The following MYO16 variants were observed in gnomAD, a reference collection of about 807,000 sequenced individuals.
MYO16 encodes the protein unconventional myosin-XVI.
In MYO16, 94 loss-of-function variants were observed where a neutral mutation model predicts 205.3. The ratio of observed to expected loss-of-function variants is 0.46; its 90% CI spans 0.39 to 0.54. The LOEUF is 0.54. Ranked by LOEUF, MYO16 falls within the 20% of genes least tolerant of loss-of-function variation. MYO16 has a pLI of 0.00. For synonymous variants in MYO16, 988 were observed against 954.0 expected (o/e 1.04, Z -0.66); for missense variants, 2,315 against 2,387.5 (o/e 0.97, Z 0.63).
In MYO16 at chr13:109,127,269, G is replaced by C; in HGVS notation, c.3783-13G>C. The stretch of plus-strand genomic sequence containing the variant: ...TCTGGCGTGGTGCTGTTTGTGTTTT[G>C]TTTCCCCCTAAGAACCGATGACAAG... On this transcript the variant is annotated splice_polypyrimidine_tract_variant and intron_variant, in intron 30 of 34. Transcript: ENST00000457511. The surrounding 1 kb of genome is among the most constrained non-coding windows in gnomAD (Gnocchi z 4.2). 1 of 1,556,660 alleles carries C rather than the reference G, an allele frequency of 6.4e-7. No individual in the cohort carries two copies. The highest frequency in any genetic ancestry group is 8.7e-7 in the Non-Finnish European group (1 of 1,146,464).
chr13:109,024,422 A>G (rs565663987), intron 23 of MYO16, among the ~76,000 whole-genome samples: 39 of 152,258 alleles, frequency 2.6e-4, no homozygotes, highest in African/African-American at 9.4e-4. Flanking sequence ...TAATTGCATT[A>G]AAGTCAGTGG....
chr13:109,127,450 G>A lies in MYO16; in HGVS notation c.3951G>A (p.Gln1317=). Residue 1317 remains glutamine (Q), a synonymous_variant, in exon 31 of 35, where the codon CAG becomes CAA. Coordinates refer to ENST00000457511, the MANE Select transcript of MYO16 (RefSeq NM_001198950.3). The surrounding 1 kb of genome is among the most constrained non-coding windows in gnomAD (Gnocchi z 4.2). The part of the protein sequence containing the change: ...DSSSLPSPRK[Q]PPPKPKRDPN... ...GCAGCCTCCCGTCTCCACGGAAACA[G>A]CCCCCGCCCAAGCCAAAGAGGGACC... 5.0e-6 allele frequency: 8 copies of A among 1,614,016 alleles called. No homozygotes were observed. The highest frequency in any genetic ancestry group is 6.8e-6 in the Non-Finnish European group (8 of 1,180,010).
intron 20 of MYO16, among the ~76,000 whole-genome samples, chr13:108,982,498 A>G (rs1331853010): frequency 6.6e-6 from 1 of 152,222 alleles, no homozygotes; most frequent in African/African-American, 2.4e-5. Context: ...AAAAAAGTAA[A>G]CAGCACTTTT....
chr13:108,669,514 A>C (rs1393252079), intron 2 of MYO16, among the ~76,000 whole-genome samples: 1 of 152,148 alleles, frequency 6.6e-6, no homozygotes, highest in African/African-American at 2.4e-5. Flanking sequence ...ATGATGGGAG[A>C]ATTAACAGCA....
chr13:108,840,742 C>T (rs1877201078), intron 9 of MYO16, among the ~76,000 whole-genome samples: 2 of 152,108 alleles, frequency 1.3e-5, no homozygotes, highest in Non-Finnish European at 2.9e-5. Context: ...CACTATGTTG[C>T]CCAGGCTGGT....
intron 7 of MYO16, among the ~76,000 whole-genome samples, chr13:108,808,405 G>A (rs1392514119): frequency 2.0e-5 from 3 of 151,432 alleles, no homozygotes; most frequent in African/African-American, 7.3e-5. Context: ...TCCGCCTCCT[G>A]AGTTCAAGCA....
In MYO16 at chr13:109,009,091, G is replaced by A. The variant is rs751858309; in HGVS notation, c.2595+42G>A. 95 of 1,446,444 alleles carry A rather than the reference G, an allele frequency of 6.6e-5. No homozygotes were observed. In the East Asian group the frequency reaches 2.0e-3, roughly 30 times the overall value. The allele number at this position is 1,446,444 out of a possible 1,614,324, so 89.6% of individuals were successfully genotyped here. On this transcript the variant is annotated intron_variant, in intron 22 of 34. Transcript: ENST00000457511. ...ATTAGATACTTAACAGGATATATGGGTTTAAATATACTGGAGACAAAGAAT... is the reference window on the plus strand; with the variant it reads ...ATTAGATACTTAACAGGATATATGGATTTAAATATACTGGAGACAAAGAAT...
chr13:108,806,533 A>G (rs529012848), intron 6 of MYO16, 146 bp from the exon 7 acceptor site: 1 of 562,472 alleles, frequency 1.8e-6, no homozygotes, highest in South Asian at 3.6e-5. Context: ...CCAAATAAAT[A>G]AAATTGCATG....
At chr13:108,760,832 C>T (rs1885581719) in intron 4 of MYO16, among the ~76,000 whole-genome samples, 1 of 152,088 alleles carries the variant, frequency 6.6e-6, no homozygotes, top group Non-Finnish European at 1.5e-5. Flanking sequence ...CCCTTCCCAG[C>T]CTCTGGTAGC....
At chr13:108,724,642 G>T (rs191947211) in intron 3 of MYO16, among the ~76,000 whole-genome samples, 69 of 151,896 alleles carry the variant, frequency 4.5e-4, no homozygotes, top group Admixed American at 2.6e-4. Context: ...GCGGTATTAC[G>T]CACGGTGCAT....
At chr13:108,835,389 C>T (rs1876855222) in intron 9 of MYO16, among the ~76,000 whole-genome samples, 1 of 152,182 alleles carries the variant, frequency 6.6e-6, no homozygotes, top group African/African-American at 2.4e-5. Flanking sequence ...CCTCTTCAGC[C>T]ATGTGGAACT....
Position 108,709,519 on chromosome 13 carries a change from G to A in MYO16, c.293-3142G>A, listed in dbSNP as rs982388740. Among the ~76,000 whole-genome samples the A allele has an allele frequency of 8.0e-5, 10 of 125,516 alleles. 2 individuals are homozygous for A. Among genetic ancestry groups the A allele is most frequent in the East Asian group, 2.3e-4 (1 of 4,386 alleles). The allele number at this position is 125,516 out of a possible 152,430, so 82.3% of individuals were successfully genotyped here. Reference sequence around the variant, plus strand: ...CCTTATTAGTAAAAGAAAGAGTGACGATTATAGTGTCTGTATTATAGAGGT... The same window carrying A: ...CCTTATTAGTAAAAGAAAGAGTGACAATTATAGTGTCTGTATTATAGAGGT... On this transcript the variant is annotated intron_variant, in intron 2 of 34. Transcript: ENST00000457511.
At chr13:109,001,489 A>G (rs899529597) in intron 21 of MYO16, among the ~76,000 whole-genome samples, 2 of 152,200 alleles carry the variant, frequency 1.3e-5, no homozygotes, top group Admixed American at 6.5e-5. Context: ...CAAAAGAGTA[A>G]ACATGACCTT....
the MYO16 span, among the ~76,000 whole-genome samples, chr13:108,557,554 A>G: frequency 1.3e-5 from 2 of 152,190 alleles, no homozygotes; most frequent in South Asian, 4.1e-4. Flanking sequence ...TTAAGCCTAA[A>G]AACAATGCTA....
chr13:108,945,428 A>G (rs1231782215), intron 16 of MYO16, among the ~76,000 whole-genome samples: 1 of 152,168 alleles, frequency 6.6e-6, no homozygotes, highest in African/African-American at 2.4e-5. Flanking sequence ...TATTGAAAAT[A>G]TGTAGCATAT....
At chr13:108,791,611 G>A (rs1270462426) in intron 5 of MYO16, among the ~76,000 whole-genome samples, 1 of 152,160 alleles carries the variant, frequency 6.6e-6, no homozygotes, top group Non-Finnish European at 1.5e-5. Flanking sequence ...TAACACCCAA[G>A]CAGGTTGAGT....
intron 34 of MYO16, among the ~76,000 whole-genome samples, chr13:109,191,800 G>C (rs991425108): frequency 7.9e-5 from 12 of 152,178 alleles, no homozygotes; most frequent in African/African-American, 2.9e-4. Flanking sequence ...TACCAATTAT[G>C]ACTATATCAT....
intron 2 of MYO16, among the ~76,000 whole-genome samples, chr13:108,688,992 T>G (rs1052013869): frequency 6.6e-6 from 1 of 152,324 alleles, no homozygotes; most frequent in African/African-American, 2.4e-5. Context: ...GGTAGCTTTC[T>G]TATGAATAAA....
intron 4 of MYO16, among the ~76,000 whole-genome samples, chr13:108,764,360 G>T (rs1229228182): frequency 6.6e-6 from 1 of 152,160 alleles, no homozygotes; most frequent in Admixed American, 6.5e-5. Context: ...TTTTTAATTT[G>T]TTGGTAAACA....
Sources: allele counts gnomAD v4.1 joint callset (sites outside exome capture counted in the v4.1 genomes callset), GRCh38; gene constraint gnomAD v4.1.1; non-coding constraint Gnocchi (gnomAD v3.1); transcripts MANE v1.5; gene names NCBI Gene and HGNC (gene_info 2026-07-23, HGNC 2026-07-21).